DOCK9: variants seen among roughly 807,000 people sequenced by gnomAD.
DOCK9 encodes the protein dedicator of cytokinesis 9, also known as dedicator of cytokinesis protein 9.
A neutral mutation model predicts 263.3 loss-of-function variants in DOCK9; 89 were observed. The observed-to-expected ratio is 0.34, with a 90% CI of 0.28 to 0.40. The LOEUF (loss-of-function observed/expected upper bound fraction) is 0.40. Among genes scored for constraint, DOCK9 ranks in the 10% least tolerant of loss-of-function variants. The pLI is 1.00. For synonymous variants in DOCK9, 976 were observed against 973.1 expected (o/e 1.00, Z -0.06); for missense variants, 2,140 against 2,603.4 (o/e 0.82, Z 3.87).
chr13:98,979,242 G>GGCGGCGGCAGCA (rs55651915), upstream of DOCK9, among the ~76,000 whole-genome samples: 3 of 136,176 alleles, frequency 2.2e-5, no homozygotes, highest in Non-Finnish European at 4.9e-5. Flanking sequence ...CAGCAGCGGC[G>GGCGGCGGCAGCA]GCAGCAGCAG....
Position 98,867,999 on chromosome 13 carries a change from A to T in DOCK9, c.3103T>A (p.Phe1035Ile). ...TTGAAGACAAAGCCCCTGTCCATGA[A>T]GGTGAAACATCTCTGTGGAGGAAAA... ...LAVFIKRCFT[F>I]MDRGFVFKQI... is the part of the protein sequence containing the mutation. The change falls in exon 29 of 53, where the codon TTC becomes ATC. Residue 1035 changes from phenylalanine to isoleucine, a missense_variant. Around this residue, in one of 2 missense-constraint regions of DOCK9, gnomAD observed 1,521 missense variants for 1,741.7 expected, o/e 0.87. Coordinates refer to ENST00000682017, the MANE Select transcript of DOCK9 (RefSeq NM_001366683.2). 6.2e-7 allele frequency: 1 copy of T among 1,613,612 alleles called. No individual in the cohort carries two copies. The highest frequency in any genetic ancestry group is 2.2e-5 in the East Asian group (1 of 44,872).
At chr13:98,874,550 A>T (rs1030656255) in intron 27 of DOCK9, among the ~76,000 whole-genome samples, 1 of 152,158 alleles carries the variant, frequency 6.6e-6, no homozygotes, top group African/African-American at 2.4e-5. Flanking sequence ...TGTCTGAATA[A>T]TCTCCCTTAC....
chr13:98,819,466 GAGTGT>G (rs1438750027), intron 45 of DOCK9, among the ~76,000 whole-genome samples: 1 of 152,216 alleles, frequency 6.6e-6, no homozygotes, highest in Non-Finnish European at 1.5e-5. Flanking sequence ...GCAGCAGTAG[GAGTGT>G]AGTGTGCTAT....
chr13:98,945,458 C>G (rs1234514778), intron 2 of DOCK9, among the ~76,000 whole-genome samples: 1 of 152,146 alleles, frequency 6.6e-6, no homozygotes, highest in Non-Finnish European at 1.5e-5. Context: ...CTACCCCACA[C>G]CAAGTATTTT....
intron 9 of DOCK9, among the ~76,000 whole-genome samples, chr13:98,905,071 A>C (rs2048879090): frequency 6.6e-6 from 1 of 152,248 alleles, no homozygotes; most frequent in African/African-American, 2.4e-5. Flanking sequence ...TCCCTGGCTG[A>C]ATGAAAAGGA....
At chr13:99,026,403 T>G (rs1482863220) in intron 1 of DOCK9, among the ~76,000 whole-genome samples, 1 of 152,192 alleles carries the variant, frequency 6.6e-6, no homozygotes, top group African/African-American at 2.4e-5. Context: ...CCAAAACATA[T>G]CACTACCCTA....
At chr13:98,939,247 C>G (rs775218697) in intron 2 of DOCK9, among the ~76,000 whole-genome samples, 1 of 152,184 alleles carries the variant, frequency 6.6e-6, no homozygotes, top group African/African-American at 2.4e-5. Context: ...TTTCAGGGTA[C>G]CTGGGGTCCT....
At chr13:98,799,986 T>A (rs2089914230) in intron 50 of DOCK9, among the ~76,000 whole-genome samples, 1 of 152,196 alleles carries the variant, frequency 6.6e-6, no homozygotes. Context: ...TTCTTTGTAT[T>A]TAGAAGAGTC....
intron 1 of DOCK9, among the ~76,000 whole-genome samples, chr13:99,022,258 C>T (rs1886209529): frequency 6.6e-6 from 1 of 152,142 alleles, no homozygotes. Flanking sequence ...CCTGCAAGAG[C>T]TCAAGGCTGT....
At chr13:98,936,578 C>T (rs750839489) in intron 2 of DOCK9, among the ~76,000 whole-genome samples, 29 of 150,922 alleles carry the variant, frequency 1.9e-4, no homozygotes, top group Non-Finnish European at 4.0e-4. Context: ...TGTGACTAGG[C>T]CACTGTACTA....
At chr13:98,862,026 A>T (rs2093886057) in intron 32 of DOCK9, among the ~76,000 whole-genome samples, 1 of 152,164 alleles carries the variant, frequency 6.6e-6, no homozygotes, top group African/African-American at 2.4e-5. Flanking sequence ...TTAGGTTAGA[A>T]CTACACCTTT....
At chr13:98,996,714 G>A (rs898368961) in intron 1 of DOCK9, among the ~76,000 whole-genome samples, 5 of 152,206 alleles carry the variant, frequency 3.3e-5, no homozygotes, top group African/African-American at 7.2e-5. Flanking sequence ...TATCACTAGT[G>A]TTAGTGTATT....
Position 98,845,999 on chromosome 13 carries a change from G to T in DOCK9, c.4123C>A (p.Arg1375Ser). The T allele has an allele frequency of 3.7e-6, 6 of 1,610,422 alleles. No individual in the cohort carries two copies. Among genetic ancestry groups the T allele is most frequent in the Non-Finnish European group, 5.1e-6 (6 of 1,178,402 alleles). The change falls in exon 38 of 53, where the codon CGT becomes AGT. Residue 1375 changes from arginine to serine, a missense_variant. Coordinates refer to ENST00000682017, the MANE Select transcript of DOCK9 (RefSeq NM_001366683.2). ...GCATGCATCATTCCTGTTCTGTTACGGGAAACAGGCAATGTCTGAGACTTT... is the reference window on the plus strand; with the variant it reads ...GCATGCATCATTCCTGTTCTGTTACTGGAAACAGGCAATGTCTGAGACTTT... ...DRKSQTLPVS[R>S]NRTGMMHARL...
At chr13:99,000,322 T>G (rs1214065336) in intron 1 of DOCK9, among the ~76,000 whole-genome samples, 4 of 152,194 alleles carry the variant, frequency 2.6e-5, no homozygotes, top group Admixed American at 6.5e-5. Flanking sequence ...GAAAGCAGTA[T>G]CTTCCTGTCC....
At chr13:98,937,623 G>T (rs1373623406) in intron 2 of DOCK9, among the ~76,000 whole-genome samples, 4 of 151,888 alleles carry the variant, frequency 2.6e-5, no homozygotes, top group African/African-American at 9.7e-5. Context: ...AAGAAAAAAG[G>T]GTGACATCCT....
In DOCK9 at chr13:98,888,686, C is replaced by A. The variant is rs2046171496; in HGVS notation, c.1735G>T (p.Val579Leu). 1 of 1,613,834 alleles carries A rather than the reference C, an allele frequency of 6.2e-7. No individual in the cohort carries two copies. The highest frequency in any genetic ancestry group is 1.7e-5 in the Admixed American group (1 of 60,022). Residue 579 changes from valine to leucine, a missense_variant, in exon 16 of 53, where the codon GTG becomes TTG. Coordinates refer to ENST00000682017, the MANE Select transcript of DOCK9 (RefSeq NM_001366683.2). Reference protein sequence around the residue: ...RKPEKMAKLPVILGNLDITID... With the variant: ...RKPEKMAKLPLILGNLDITID... ...GTAATGTCTAGATTGCCTAAAATCA[C>A]TGGGAGCTTAGCCATCTTCTCAGGT... is the stretch of plus-strand genomic sequence containing the variant.
At chr13:98,802,457 G>A (rs1237248681) in intron 49 of DOCK9, among the ~76,000 whole-genome samples, 1 of 152,228 alleles carries the variant, frequency 6.6e-6, no homozygotes, top group Admixed American at 6.5e-5. Context: ...GGAAGGCCCA[G>A]TGATAAGTAT....
At chr13:98,884,691 G>A (rs4772153) in intron 21 of DOCK9, among the ~76,000 whole-genome samples, 86,739 of 151,956 alleles carry the variant, frequency 0.57, 25,492 homozygotes, top group Middle Eastern at 0.7. Context: ...TGGCCAGTCG[G>A]CAGAGACAGA....
chr13:98,795,159 G>A (rs2089206648), intron 52 of DOCK9, among the ~76,000 whole-genome samples: 1 of 152,168 alleles, frequency 6.6e-6, no homozygotes, highest in African/African-American at 2.4e-5. Context: ...GGCAACGTGA[G>A]GTCTACTTAA....
Sources: gnomAD v4.1 joint callset for allele counts (sites outside exome capture counted in the v4.1 genomes callset) on GRCh38, gnomAD v4.1.1 for gene constraint, gnomAD v4.1.1 regional missense constraint, MANE v1.5 for transcripts, NCBI Gene and HGNC (gene_info 2026-07-23, HGNC 2026-07-21) for gene names.